GIGYF2: variants seen among roughly 807,000 people sequenced by gnomAD.
GIGYF2 encodes GRB10 interacting GYF protein 2, also known as GRB10-interacting GYF protein 2.
In GIGYF2, 25 loss-of-function variants were observed where a neutral mutation model predicts 208.1. The ratio of observed to expected loss-of-function variants is 0.12; its 90% confidence interval spans 0.09 to 0.17. The LOEUF (loss-of-function observed/expected upper bound fraction) is 0.17, where lower values mean the gene tolerates loss of function less well. Ranked by LOEUF, GIGYF2 falls within the 10% of genes least tolerant of loss-of-function variation. GIGYF2 has a pLI of 1.00. For missense variants in GIGYF2, 1,302 were observed against 1,579.4 expected (o/e 0.82, Z 2.98); for synonymous variants, 534 against 543.8 (o/e 0.98, Z 0.25).
intron 2 of GIGYF2, among the ~76,000 whole-genome samples, chr2:232,733,057 C>T (rs1170271807): frequency 1.3e-5 from 2 of 151,970 alleles, no homozygotes; most frequent in African/African-American, 4.8e-5. Context: ...GAGATCAAGA[C>T]CATCCTGGCT....
chr2:232,733,831 G>A (rs190846462), intron 2 of GIGYF2, among the ~76,000 whole-genome samples: 1 of 152,178 alleles, frequency 6.6e-6, no homozygotes, highest in Non-Finnish European at 1.5e-5. Flanking sequence ...TATTGTTTAG[G>A]GAACAATGAC....
chr2:232,717,790 G>A (rs1187794954), intron 2 of GIGYF2, among the ~76,000 whole-genome samples: 1 of 151,808 alleles, frequency 6.6e-6, no homozygotes, highest in Non-Finnish European at 1.5e-5. Flanking sequence ...TTAACAACTA[G>A]CTCTCTTGGG....
intron 27 of GIGYF2, among the ~76,000 whole-genome samples, chr2:232,848,188 A>AT (rs1702081867): frequency 1.3e-5 from 2 of 152,210 alleles, no homozygotes; most frequent in Non-Finnish European, 2.9e-5. Context: ...CTCATTTAAT[A>AT]TATGTTGATT....
chr2:232,856,467 A>C lies in GIGYF2; in HGVS notation c.3833-326A>C, dbSNP rs1405785410. ...CAATTTGGGAGGCCGAGGCGGGCGG[A>C]TCATTTGAGGTCAGGAGTTCAAGAC... On this transcript the variant is annotated intron_variant, in intron 28 of 28. Transcript: ENST00000373563. Among the ~76,000 whole-genome samples the C allele has an allele frequency of 3.3e-5, 5 of 151,990 alleles. No individual in the cohort carries two copies. In the East Asian group the frequency reaches 9.8e-4, roughly 30 times the overall value.
intron 28 of GIGYF2, among the ~76,000 whole-genome samples, chr2:232,850,884 T>C (rs1261281050): frequency 2.0e-5 from 3 of 152,188 alleles, no homozygotes; most frequent in Admixed American, 6.5e-5. Flanking sequence ...TGAGGTGACA[T>C]ACCAGTTTCA....
rs116708341 is a variant in GIGYF2, at chr2:232,846,976, T to C, written c.3461-372T>C. 3.7e-3 allele frequency among the ~76,000 whole-genome samples: 558 copies of C among 152,380 alleles called. 2 individuals carry two copies. Among genetic ancestry groups the C allele is most frequent in the African/African-American group, 0.013 (539 of 41,594 alleles). ...GTGGATTGAAAGTTCCAGGAAGATA[T>C]AGCTGTTTTCTTTAGTGTATGTTGT... On this transcript the variant is annotated intron_variant, in intron 26 of 28. Transcript: ENST00000373563.
intron 20 of GIGYF2, among the ~76,000 whole-genome samples, chr2:232,817,577 CTTCT>C (rs994905696): frequency 5.3e-5 from 8 of 152,200 alleles, no homozygotes; most frequent in Non-Finnish European, 8.8e-5. Context: ...AACCACCATT[CTTCT>C]TTCTGTGTCT....
rs55893272 is a variant in GIGYF2 at position 232,711,705 on chromosome 2, G to GTATATATATATATATA, written c.-44+8223_-44+8238dup. 8.2e-3 allele frequency among the ~76,000 whole-genome samples: 945 copies of GTATATATATATATATA among 115,674 alleles called. 45 individuals carry two copies. Among genetic ancestry groups the GTATATATATATATATA allele is most frequent in the East Asian group, 0.02 (78 of 3,960 alleles). 75.9% of individuals were successfully genotyped at this position (115,674 alleles called of 152,430 possible). ...GAAGGAAAATTATCCTCACAATGAT[G>GTATATATATATATATA]TATATATATATATATATATATAGTT... is the stretch of plus-strand genomic sequence containing the variant. On this transcript the variant is annotated intron_variant, in intron 2 of 28. Transcript: ENST00000373563.
intron 8 of GIGYF2, among the ~76,000 whole-genome samples, chr2:232,776,198 A>G (rs994949339): frequency 2.6e-5 from 4 of 152,166 alleles, no homozygotes; most frequent in African/African-American, 7.2e-5. Flanking sequence ...ATATATTGTA[A>G]TAGAAAATTA....
At chr2:232,767,141 T>G (rs969558495) in intron 8 of GIGYF2, 1 of 152,174 alleles carries the variant, frequency 6.6e-6, no homozygotes, top group South Asian at 2.1e-4. Flanking sequence ...CTCCTACTGG[T>G]GAATAAACAC....
At chr2:232,800,471 T>C (rs563029364) in intron 14 of GIGYF2, among the ~76,000 whole-genome samples, 1 of 152,324 alleles carries the variant, frequency 6.6e-6, no homozygotes, top group East Asian at 1.9e-4. Flanking sequence ...TTCTATTTTA[T>C]TGTTCTATAT....
chr2:232,720,667 T>C (rs1156978330), intron 2 of GIGYF2, among the ~76,000 whole-genome samples: 1 of 151,966 alleles, frequency 6.6e-6, no homozygotes, highest in Non-Finnish European at 1.5e-5. Context: ...TGATCTCAGC[T>C]TACTGCAACC....
intron 2 of GIGYF2, among the ~76,000 whole-genome samples, chr2:232,713,319 C>A (rs779907028): frequency 6.6e-5 from 10 of 150,546 alleles, no homozygotes; most frequent in African/African-American, 2.5e-4. Context: ...CTCAAGTGAT[C>A]GGCTGACTTT....
intron 23 of GIGYF2, among the ~76,000 whole-genome samples, chr2:232,843,653 C>A (rs764845513): frequency 1.3e-5 from 2 of 151,008 alleles, no homozygotes; most frequent in Non-Finnish European, 2.9e-5. Context: ...GTGGGCAGAT[C>A]GCTTGAGGCC....
chr2:232,791,495 C>A, intron 12 of GIGYF2, 49 bp downstream of exon 12: 1 of 1,498,208 alleles, frequency 6.7e-7, no homozygotes, highest in South Asian at 1.2e-5. Flanking sequence ...CTGCTGAGGC[C>A]AGTGATCACT....
rs996704924 is a variant in GIGYF2, at chr2:232,729,616, A to G, written c.-43-5539A>G. On this transcript the variant is annotated intron_variant, in intron 2 of 28. Transcript: ENST00000373563. ...CCAGCTTATCTGTTCCAACTTTATCATCTTCAACTTCACAACGTATTTGAA... is the reference window on the plus strand; with the variant it reads ...CCAGCTTATCTGTTCCAACTTTATCGTCTTCAACTTCACAACGTATTTGAA... 5 of 1,205,950 alleles carry G rather than the reference A, an allele frequency of 4.1e-6. No homozygotes were observed. In the African/African-American group the frequency reaches 7.5e-5, roughly 18 times the overall value. The allele number at this position is 1,205,950 out of a possible 1,614,324, so 74.7% of individuals were successfully genotyped here. A position where few individuals can be genotyped will look rare whatever the true frequency, so the allele number is the denominator to read the frequency against.
chr2:232,758,456 G>C (rs1425933720), intron 6 of GIGYF2, among the ~76,000 whole-genome samples: 1 of 152,180 alleles, frequency 6.6e-6, no homozygotes, highest in Non-Finnish European at 1.5e-5. Context: ...TTCCCAAAAA[G>C]AATAGGGTGA....
Position 232,814,114 on chromosome 2 carries a change from G to A in GIGYF2, c.2108-1523G>A, listed in dbSNP as rs536007836. On this transcript the variant is annotated intron_variant, in intron 18 of 28. Coordinates refer to ENST00000373563, the MANE Select transcript of GIGYF2 (RefSeq NM_001103146.3). ...TTGGCCAGGCTGATTTCAAACTCCT[G>A]GCCTCAAGTGATCCGCCTGCCTCTG... Among the ~76,000 whole-genome samples, 22 of 151,862 alleles carry A rather than the reference G, an allele frequency of 1.4e-4. No homozygotes were observed. In the South Asian group the frequency reaches 4.2e-3, roughly 29 times the overall value.
At chr2:232,748,079 T>A (rs960226993) in intron 4 of GIGYF2, among the ~76,000 whole-genome samples, 1 of 152,184 alleles carries the variant, frequency 6.6e-6, no homozygotes, top group East Asian at 1.9e-4. Context: ...TTATTGTACC[T>A]CTTATCCTAC....
Sources: allele counts gnomAD v4.1 joint callset (sites outside exome capture counted in the v4.1 genomes callset), GRCh38; gene constraint gnomAD v4.1.1; transcripts MANE v1.5; gene names NCBI Gene and HGNC (gene_info 2026-07-23, HGNC 2026-07-21).